The following UBR4 variants were observed in gnomAD, a reference collection of about 807,000 sequenced individuals.
UBR4 encodes E3 ubiquitin-protein ligase UBR4.
UBR4 carries 124 observed loss-of-function variants against 575.6 expected under a neutral mutation model. The ratio of observed to expected loss-of-function variants is 0.22; its 90% confidence interval spans 0.19 to 0.25. UBR4 has a LOEUF of 0.25. Among genes scored for constraint, UBR4 ranks in the 10% least tolerant of loss-of-function variants. The pLI, the probability that UBR4 is intolerant of heterozygous loss-of-function variation, is 1.00. For missense variants in UBR4, 4,818 were observed against 6,478.8 expected, an observed-to-expected ratio of 0.74 and a Z score of 8.80; for synonymous variants, 2,455 against 2,473.7, an observed-to-expected ratio of 0.99 and a Z score of 0.22.
chr1:19,094,797 G>A (rs56148277), intron 94 of UBR4, 109 bp downstream of exon 94: 1 of 1,441,088 alleles, frequency 6.9e-7, no homozygotes, highest in Non-Finnish European at 9.3e-7. Context: ...GCTTAAGCAG[G>A]CTCCGCCATT....
Position 19,165,741 on chromosome 1 carries a change from T to A in UBR4, c.4126A>T (p.Ile1376Phe). ...AAGTACTGGAGACATTCCTCCAGGA[T>A]GGATTCATCCAGTCCACTGAGGATC... ...ADPNSGLDES[I>F]LEECLQYLEK... The change falls in exon 30 of 106, where the codon ATC (isoleucine) becomes TTC (phenylalanine). Residue 1376 changes from isoleucine to phenylalanine, a missense_variant. Physicochemically the swap from Ile to Phe is conservative, Grantham distance 21. This residue lies in a region of UBR4 where 1,172 missense variants were observed against 1,259.7 expected (regional missense o/e 0.93). Transcript: ENST00000375254. The A allele has an allele frequency of 6.2e-7, 1 of 1,614,086 alleles. No individual in the cohort carries two copies. The highest frequency in any genetic ancestry group is 1.1e-5 in the South Asian group (1 of 91,072).
chr1:19,146,617 T>C (rs1000890422), intron 52 of UBR4, among the ~76,000 whole-genome samples: 1 of 152,192 alleles, frequency 6.6e-6, no homozygotes, highest in Non-Finnish European at 1.5e-5. Flanking sequence ...AACTCAAGGA[T>C]AATCGAAAGT....
In UBR4 at chr1:19,195,397, TA is replaced by T. The variant is rs533216128; in HGVS notation, c.1018+1743del. 1.5e-3 allele frequency among the ~76,000 whole-genome samples: 227 copies of T among 152,112 alleles called. 2 individuals carry two copies. The South Asian group carries it at 0.02, about 14-fold the overall frequency. ...GACATCATAGCCAAATCCCTTTCCT[TA>T]AATCAAATCCCAAGTGATCAAATTT... On this transcript the variant is annotated intron_variant, in intron 8 of 105. Coordinates refer to ENST00000375254, the MANE Select transcript of UBR4 (RefSeq NM_020765.3).
At chr1:19,075,277 G>A (rs925934440) in intron 105 of UBR4, 4 of 295,052 alleles carry the variant, frequency 1.4e-5, no homozygotes, top group African/African-American at 8.8e-5. Flanking sequence ...GCAGGCCAGG[G>A]GTGCTTGCCA....
At chr1:19,121,508 C>CCCT in intron 67 of UBR4, 74 bp from the exon 68 acceptor site, 2 of 1,543,384 alleles carry the variant, frequency 1.3e-6, no homozygotes, top group Non-Finnish European at 1.7e-6. Context: ...AACAACGTCT[C>CCCT]CCTACAGCTG....
At chr1:19,091,412 G>A (rs111964036) in intron 97 of UBR4, among the ~76,000 whole-genome samples, 10 of 152,250 alleles carry the variant, frequency 6.6e-5, no homozygotes, top group Middle Eastern at 3.4e-3. Flanking sequence ...TACCAAATGA[G>A]ACAGTGGAAC....
chr1:19,206,624 C>CT (rs1277595138), intron 1 of UBR4, among the ~76,000 whole-genome samples: 1 of 152,150 alleles, frequency 6.6e-6, no homozygotes, highest in Non-Finnish European at 1.5e-5. Flanking sequence ...GCGTGAGCCA[C>CT]TGCGCCCAGC....
At position 19,077,077 on chromosome 1, in the gene UBR4, A is replaced by G. The variant is rs535765975; in HGVS notation, c.15325-175T>C. ...TTGTCTCCAGGAACGACACAATTTC[A>G]CTTCATTCCTCTTAGGCCCTCCTTA... On this transcript the variant is annotated intron_variant, in intron 104 of 105. Transcript: ENST00000375254. Among the ~76,000 whole-genome samples, 9 of 152,066 alleles carry G rather than the reference A, an allele frequency of 5.9e-5. No individual in the cohort carries two copies. In the East Asian group the frequency reaches 1.7e-3, roughly 29 times the overall value.
At chr1:19,180,520 C>T (rs1404784903) in intron 17 of UBR4, among the ~76,000 whole-genome samples, 1 of 143,910 alleles carries the variant, frequency 6.9e-6, no homozygotes, top group African/African-American at 2.6e-5. Flanking sequence ...CTTCTTAATT[C>T]CTAAGTTAAA....
chr1:19,196,997 A>C, intron 8 of UBR4, 144 bp downstream of exon 8: 2 of 987,088 alleles, frequency 2.0e-6, no homozygotes, highest in Non-Finnish European at 3.0e-6. Flanking sequence ...TTGAGACCTC[A>C]TTTCACCTTG....
At chr1:19,180,184 C>A (rs1203093123) in intron 17 of UBR4, among the ~76,000 whole-genome samples, 1 of 150,982 alleles carries the variant, frequency 6.6e-6, no homozygotes, top group Non-Finnish European at 1.5e-5. Flanking sequence ...AAACCATGTT[C>A]TTTATTTATT....
At chr1:19,090,938 T>C (rs557773415) in intron 97 of UBR4, among the ~76,000 whole-genome samples, 1 of 152,010 alleles carries the variant, frequency 6.6e-6, no homozygotes, top group Non-Finnish European at 1.5e-5. Flanking sequence ...CTACTAAAAA[T>C]ACAAAAAATT....
At chr1:19,119,792 C>T in intron 69 of UBR4, 91 bp from the exon 70 acceptor site, 2 of 1,488,690 alleles carry the variant, frequency 1.3e-6, no homozygotes, top group South Asian at 2.5e-5. Flanking sequence ...TCAATTTCCC[C>T]ACAATTATGG....
chr1:19,110,119 C>G lies in UBR4; in HGVS notation c.12082G>C (p.Ala4028Pro). 1.2e-6 allele frequency: 2 copies of G among 1,614,164 alleles called. No homozygotes were observed. Among genetic ancestry groups the G allele is most frequent in the Non-Finnish European group, 1.7e-6 (2 of 1,180,016 alleles). Reference protein sequence around the residue: ...RILQKLIKPPAPTSKKNKDVP... With the variant: ...RILQKLIKPPPPTSKKNKDVP... ...ACCTTGTTCTTCTTGCTAGTGGGAG[C>G]AGGTGGTTTTATCAGCTTCTGCAAG... The change falls in exon 81 of 106, where the codon GCT becomes CCT. Residue 4028 changes from alanine (A) to proline (P), a missense_variant. Physicochemically the swap from Ala to Pro is conservative, Grantham distance 27. Coordinates refer to ENST00000375254, the MANE Select transcript of UBR4 (RefSeq NM_020765.3). This position sits in a 1 kb window ranked among gnomAD's most constrained non-coding sequence, Gnocchi z 4.5.
intron 60 of UBR4, among the ~76,000 whole-genome samples, chr1:19,134,236 AGAGT>A (rs1324901901): frequency 5.3e-5 from 8 of 151,856 alleles, no homozygotes; most frequent in African/African-American, 1.9e-4. Context: ...CCTGGGCAAC[AGAGT>A]GAGACTCTGT....
Position 19,100,367 on chromosome 1 carries a change from G to A in UBR4, c.13221+9C>T. 1 of 1,613,938 alleles carries A rather than the reference G, an allele frequency of 6.2e-7. No individual in the cohort carries two copies. Among genetic ancestry groups the A allele is most frequent in the Admixed American group, 1.7e-5 (1 of 60,020 alleles). On this transcript the variant is annotated intron_variant, in intron 89 of 105. Coordinates refer to ENST00000375254, the MANE Select transcript of UBR4 (RefSeq NM_020765.3). The surrounding 1 kb of genome is among the most constrained non-coding windows in gnomAD (Gnocchi z 4.2). Reference sequence around the variant, plus strand: ...GTAAACGTGGGCAGCACTGTCCTATGGTCATTACCTCCATGCCACTGTCAT... The same window carrying A: ...GTAAACGTGGGCAGCACTGTCCTATAGTCATTACCTCCATGCCACTGTCAT...
At chr1:19,132,596 A>T (rs2082622195) in intron 60 of UBR4, among the ~76,000 whole-genome samples, 1 of 104,536 alleles carries the variant, frequency 9.6e-6, no homozygotes, top group South Asian at 3.2e-4. Flanking sequence ...AAAAAAAAGT[A>T]AAAAATGGTA....
intron 1 of UBR4, among the ~76,000 whole-genome samples, chr1:19,206,754 C>T (rs2093032849): frequency 6.6e-6 from 1 of 152,204 alleles, no homozygotes; most frequent in South Asian, 2.1e-4. Flanking sequence ...ATATCTTTTT[C>T]TTTTAAAACA....
intron 86 of UBR4, 109 bp from the exon 87 acceptor site, chr1:19,104,366 G>C (rs1162580564): frequency 2.9e-6 from 4 of 1,402,180 alleles, no homozygotes; most frequent in South Asian, 1.3e-5. Context: ...ATCTATCTTT[G>C]TGCATGGCAC....
Sources: allele counts gnomAD v4.1 joint callset (sites outside exome capture counted in the v4.1 genomes callset), GRCh38; gene constraint gnomAD v4.1.1; regional missense constraint gnomAD v4.1.1; non-coding constraint Gnocchi (gnomAD v3.1); transcripts MANE v1.5; gene names NCBI Gene and HGNC (gene_info 2026-07-23, HGNC 2026-07-21).